The following C13orf42 variants were observed in gnomAD, a reference collection of about 807,000 sequenced individuals.
The protein encoded by C13orf42 is chromosome 13 open reading frame 42.
rs570539367 is a variant in C13orf42, at chr13:51,101,816, T to C, written c.414+8980A>G. On this transcript the variant is annotated intron_variant, in intron 1 of 3. Coordinates refer to ENST00000563710, the MANE Select transcript of C13orf42 (RefSeq NM_001351589.3). ...GAGGAGGGAAATCCACTGTGTGGAA[T>C]TGTGGATGTGAGAAAAGGCTTCCCA... Among the ~76,000 whole-genome samples the C allele has an allele frequency of 6.7e-4, 102 of 152,244 alleles. 1 individual carries two copies. The highest frequency in any genetic ancestry group is 2.3e-3 in the African/African-American group (95 of 41,528).
intron 1 of C13orf42, among the ~76,000 whole-genome samples, chr13:51,095,119 C>T (rs1431424560): frequency 1.3e-5 from 2 of 152,166 alleles, no homozygotes; most frequent in Non-Finnish European, 2.9e-5. Flanking sequence ...TTATAAATTA[C>T]CCAGTCTTAG....
intron 1 of C13orf42, among the ~76,000 whole-genome samples, chr13:51,148,497 TG>T (rs1953755363): frequency 6.6e-6 from 1 of 152,100 alleles, no homozygotes; most frequent in Non-Finnish European, 1.5e-5. Context: ...GACATTTCAG[TG>T]AAGAGCTGTA....
At chr13:51,103,896 A>G (rs1953320493) in intron 1 of C13orf42, among the ~76,000 whole-genome samples, 1 of 152,166 alleles carries the variant, frequency 6.6e-6, no homozygotes, top group African/African-American at 2.4e-5. Context: ...GGAAATGAGG[A>G]GTTCGTGTTC....
chr13:51,110,327 A>T (rs1408714696), intron 1 of C13orf42, among the ~76,000 whole-genome samples: 1 of 152,210 alleles, frequency 6.6e-6, no homozygotes, highest in Non-Finnish European at 1.5e-5. Flanking sequence ...ACTGGGAAGG[A>T]ATTGATAGAT....
chr13:51,094,589 G>A (rs1953214110), intron 1 of C13orf42, among the ~76,000 whole-genome samples: 2 of 152,282 alleles, frequency 1.3e-5, no homozygotes, highest in South Asian at 4.1e-4. Context: ...ACCTCTTTGT[G>A]TGGATCTAAG....
At chr13:51,141,097 TGTGTG>T (rs1418881881) in intron 1 of C13orf42, among the ~76,000 whole-genome samples, 12 of 72,656 alleles carry the variant, frequency 1.7e-4, no homozygotes, top group Admixed American at 1.6e-3. Context: ...CGAAGGGAGG[TGTGTG>T]TGTGTGTGTG....
At chr13:51,147,436 C>T (rs12869148) in intron 1 of C13orf42, among the ~76,000 whole-genome samples, 18,924 of 152,044 alleles carry the variant, frequency 0.12, 1,289 homozygotes, top group African/African-American at 0.16. Context: ...TCATTTTAAA[C>T]GCAAGGGGTG....
At chr13:51,158,746 TG>T (rs1421604798) in intron 1 of C13orf42, among the ~76,000 whole-genome samples, 13 of 152,208 alleles carry the variant, frequency 8.5e-5, no homozygotes, top group Non-Finnish European at 4.4e-5. Context: ...CAACTACTAT[TG>T]ATTTCTGGGG....
intron 1 of C13orf42, among the ~76,000 whole-genome samples, chr13:51,164,830 T>C (rs539643800): frequency 6.6e-6 from 1 of 152,256 alleles, no homozygotes; most frequent in African/African-American, 2.4e-5. Flanking sequence ...ATTGAAAGAA[T>C]GGATTTGACA....
chr13:51,132,842 A>G (rs887994483), intron 1 of C13orf42, among the ~76,000 whole-genome samples: 3 of 152,318 alleles, frequency 2.0e-5, no homozygotes, highest in Non-Finnish European at 4.4e-5. Context: ...CACAAGATAC[A>G]GGTCATAAAG....
intron 1 of C13orf42, among the ~76,000 whole-genome samples, chr13:51,146,475 C>T (rs983613994): frequency 1.2e-4 from 19 of 152,194 alleles, no homozygotes; most frequent in African/African-American, 4.1e-4. Flanking sequence ...TAAGGACGCA[C>T]GCCCATGACA....
chr13:51,130,868 T>A (rs1013976884), intron 1 of C13orf42, among the ~76,000 whole-genome samples: 8 of 150,712 alleles, frequency 5.3e-5, no homozygotes, highest in African/African-American at 1.9e-4. Flanking sequence ...AAAAAATATA[T>A]ATATATATAT....
chr13:51,120,752 AC>A (rs1185758357), intron 1 of C13orf42, among the ~76,000 whole-genome samples: 1 of 152,064 alleles, frequency 6.6e-6, no homozygotes, highest in Non-Finnish European at 1.5e-5. Flanking sequence ...GGTGGCTCAC[AC>A]CTGTAATCCC....
intron 1 of C13orf42, among the ~76,000 whole-genome samples, chr13:51,131,508 A>AC (rs1039718030): frequency 6.6e-5 from 10 of 152,200 alleles, no homozygotes; most frequent in African/African-American, 2.4e-4. Flanking sequence ...CTAGGACCCC[A>AC]CCAAGTTATC....
At chr13:51,168,434 G>A (rs144623605) in intron 1 of C13orf42, among the ~76,000 whole-genome samples, 38 of 152,280 alleles carry the variant, frequency 2.5e-4, no homozygotes, top group Middle Eastern at 6.8e-3. Context: ...GCAACATGGC[G>A]TTGTCATGCA....
At chr13:51,157,851 C>T (rs915848417) in intron 1 of C13orf42, among the ~76,000 whole-genome samples, 13 of 152,154 alleles carry the variant, frequency 8.5e-5, no homozygotes, top group Non-Finnish European at 1.5e-5. Flanking sequence ...TGTGTTCTGG[C>T]TCTCACAAAA....
At chr13:51,097,577 G>A (rs565381443) in intron 1 of C13orf42, among the ~76,000 whole-genome samples, 1 of 152,118 alleles carries the variant, frequency 6.6e-6, no homozygotes, top group Non-Finnish European at 1.5e-5. Flanking sequence ...TGACATTCCC[G>A]CAGAGATTCC....
At position 51,166,640 on chromosome 13, in the gene C13orf42, ACT is replaced by A. The variant is rs1953904213; in HGVS notation, n.136+5611_136+5612del. On this transcript the variant is annotated intron_variant and non_coding_transcript_variant, in intron 1 of 4. Coordinates refer to the C13orf42 transcript ENST00000433280. ...AGAGGACCTGGAATTTGAATAAAACACTGTTCTTTCCGGTACATTTTTGACTT... is the reference window on the plus strand; with the variant it reads ...AGAGGACCTGGAATTTGAATAAAACAGTTCTTTCCGGTACATTTTTGACTT... 2.6e-5 allele frequency among the ~76,000 whole-genome samples: 4 copies of A among 151,906 alleles called. No individual in the cohort carries two copies. In the South Asian group the frequency reaches 8.3e-4, roughly 32 times the overall value.
intron 1 of C13orf42, among the ~76,000 whole-genome samples, chr13:51,144,109 G>A (rs1357368078): frequency 2.0e-5 from 3 of 151,960 alleles, no homozygotes; most frequent in Non-Finnish European, 2.9e-5. Context: ...CTCTTTAGAA[G>A]GTGATTTTAT....
Sources: gnomAD v4.1 joint callset for allele counts (sites outside exome capture counted in the v4.1 genomes callset) on GRCh38, gnomAD v4.1.1 for gene constraint, MANE v1.5 for transcripts, NCBI Gene and HGNC (gene_info 2026-07-23, HGNC 2026-07-21) for gene names.